The following USP47 variants were observed in gnomAD, a reference collection of about 807,000 sequenced individuals.
USP47 encodes ubiquitin specific peptidase 47, also known as ubiquitin carboxyl-terminal hydrolase 47.
In USP47, 35 loss-of-function variants were observed where a neutral mutation model predicts 165.1. The ratio of observed to expected loss-of-function variants is 0.21; its 90% CI spans 0.16 to 0.28. The LOEUF is 0.28. Ranked by LOEUF, USP47 falls within the 10% of genes least tolerant of loss-of-function variation. The pLI, the probability that USP47 is intolerant of heterozygous loss-of-function variation, is 1.00. For synonymous variants in USP47, 531 were observed against 544.5 expected, an observed-to-expected ratio of 0.98 and a Z score of 0.35; for missense variants, 1,277 against 1,607.4, an observed-to-expected ratio of 0.79 and a Z score of 3.52.
intron 1 of USP47, among the ~76,000 whole-genome samples, chr11:11,849,068 A>C (rs1042418249): frequency 2.0e-5 from 3 of 151,748 alleles, no homozygotes; most frequent in African/African-American, 4.8e-5. Flanking sequence ...AGTCGTTTGG[A>C]TACATCCGCA....
Position 11,884,494 on chromosome 11 carries a change from T to G in USP47, c.271T>G (p.Ser91Ala), listed in dbSNP as rs758436182. ...MAPLDHTSDK[S>A]LLDANFEPGK... ...ACCACTGGATCATACCAGTGACAAG[T>G]CACTTCTCGACGCTAATTTTGAGCC... is the stretch of plus-strand genomic sequence containing the variant. The change falls in exon 3 of 28, where the codon TCA (serine) becomes GCA (alanine). Residue 91 changes from serine to alanine, a missense_variant. Physicochemically the swap from Ser to Ala is moderately conservative, Grantham distance 99 (BLOSUM62 1). Around this residue, in one of 4 missense-constraint regions of USP47, gnomAD observed 181 missense variants for 194.7 expected, o/e 0.93. Transcript: ENST00000527733. The G allele has an allele frequency of 6.2e-7, 1 of 1,609,928 alleles. No homozygotes were observed. The highest frequency in any genetic ancestry group is 1.1e-5 in the South Asian group (1 of 89,952).
chr11:11,855,374 G>A (rs956382326), intron 1 of USP47, among the ~76,000 whole-genome samples: 1 of 152,066 alleles, frequency 6.6e-6, no homozygotes, highest in African/African-American at 2.4e-5. Flanking sequence ...AGTTGACATG[G>A]ATAGAAGAGA....
rs775467505 is a variant in USP47, at chr11:11,905,911, G to A, written c.969+363G>A. 7.2e-4 allele frequency among the ~76,000 whole-genome samples: 110 copies of A among 151,822 alleles called. 1 individual carries two copies. The highest frequency in any genetic ancestry group is 1.5e-3 in the Non-Finnish European group (100 of 67,958). On this transcript the variant is annotated intron_variant, in intron 8 of 27. Coordinates refer to ENST00000527733, the MANE Select transcript of USP47 (RefSeq NM_001282659.2). Reference sequence around the variant, plus strand: ...GCACTGGAAAGTACTTTGTTTTGGGGGGATTGTTTTGATCCATACACTTTT... The same window carrying A: ...GCACTGGAAAGTACTTTGTTTTGGGAGGATTGTTTTGATCCATACACTTTT...
intron 8 of USP47, 104 bp downstream of exon 8, chr11:11,905,652 T>C: frequency 8.4e-7 from 1 of 1,190,828 alleles, no homozygotes; most frequent in East Asian, 2.7e-5. Context: ...ATACACCTTC[T>C]TGGGTTGTTA....
intron 8 of USP47, among the ~76,000 whole-genome samples, chr11:11,909,480 A>G (rs565334952): frequency 6.6e-6 from 1 of 152,318 alleles, no homozygotes; most frequent in Non-Finnish European, 1.5e-5. Flanking sequence ...AGCATAATTT[A>G]TAAATTAAAG....
intron 3 of USP47, 56 bp from the exon 4 acceptor site, chr11:11,891,912 C>G: frequency 2.5e-6 from 4 of 1,569,230 alleles, no homozygotes; most frequent in Non-Finnish European, 3.5e-6. Context: ...ATGGTGAATG[C>G]TGTTGTTTCA....
chr11:11,911,727 A>G (rs1853006588), intron 8 of USP47, among the ~76,000 whole-genome samples: 1 of 152,182 alleles, frequency 6.6e-6, no homozygotes. Flanking sequence ...GCAAAGAGGT[A>G]GAACTCAGCA....
At chr11:11,847,561 T>G (rs1848497343) in intron 1 of USP47, among the ~76,000 whole-genome samples, 1 of 152,216 alleles carries the variant, frequency 6.6e-6, no homozygotes, top group Admixed American at 6.5e-5. Context: ...TCAGTTAGTG[T>G]TATCGCCATC....
At chr11:11,923,446 G>A (rs1854010464) in intron 11 of USP47, among the ~76,000 whole-genome samples, 1 of 151,994 alleles carries the variant, frequency 6.6e-6, no homozygotes, top group Non-Finnish European at 1.5e-5. Flanking sequence ...TTGAAAAATG[G>A]TATAGTTCTA....
chr11:11,868,391 G>GT (rs1184789723), intron 1 of USP47, among the ~76,000 whole-genome samples: 4 of 152,150 alleles, frequency 2.6e-5, no homozygotes, highest in African/African-American at 9.7e-5. Context: ...ATCACAGATT[G>GT]TAGAGTCTTT....
chr11:11,884,739 A>G (rs1851045387), intron 3 of USP47, 159 bp downstream of exon 3: 3 of 546,564 alleles, frequency 5.5e-6, no homozygotes, highest in Non-Finnish European at 9.7e-6. Flanking sequence ...GTGTAGAATA[A>G]CATAGTTACA....
At position 11,880,465 on chromosome 11, in the gene USP47, TCTTAA is replaced by T. The variant is rs574447559; in HGVS notation, c.243+86_243+90del. The T allele has an allele frequency of 6.0e-4, 648 of 1,088,830 alleles. 1 individual carries two copies. The African/African-American group carries it at 7.7e-3, about 13-fold the overall frequency. 67.4% of individuals were successfully genotyped at this position (1,088,830 alleles called of 1,614,324 possible). ...TGATGATAATGTTAAATCCTGGAAC[TCTTAA>T]AATCATAAACAAAAGTATAACAACT... On this transcript the variant is annotated intron_variant, in intron 2 of 27. Transcript: ENST00000527733.
At chr11:11,924,774 A>G (rs1165900822) in intron 11 of USP47, among the ~76,000 whole-genome samples, 2 of 151,972 alleles carry the variant, frequency 1.3e-5, no homozygotes, top group Non-Finnish European at 2.9e-5. Context: ...TTGTCCTTTT[A>G]ATTGTCCTTT....
chr11:11,950,122 T>C (rs1856119265), intron 23 of USP47, 118 bp downstream of exon 23: 1 of 798,036 alleles, frequency 1.3e-6, no homozygotes, highest in East Asian at 2.8e-5. Context: ...TTCAGAATTT[T>C]AGTATGACAG....
At chr11:11,864,903 A>G (rs1849584964) in intron 1 of USP47, among the ~76,000 whole-genome samples, 1 of 151,890 alleles carries the variant, frequency 6.6e-6, no homozygotes, top group African/African-American at 2.4e-5. Flanking sequence ...ATGATTCCTG[A>G]AGGATATTTT....
chr11:11,908,138 T>C (rs752105590), intron 8 of USP47, among the ~76,000 whole-genome samples: 1 of 152,186 alleles, frequency 6.6e-6, no homozygotes, highest in African/African-American at 2.4e-5. Context: ...AGCACGTGCA[T>C]GTGCACGCAC....
chr11:11,906,280 C>T (rs1852558481), intron 8 of USP47, among the ~76,000 whole-genome samples: 1 of 152,028 alleles, frequency 6.6e-6, no homozygotes, highest in Admixed American at 6.6e-5. Context: ...TTTATTTGAA[C>T]CTACCATGTG....
chr11:11,843,313 CT>C (rs1848246989), intron 1 of USP47, among the ~76,000 whole-genome samples: 1 of 152,166 alleles, frequency 6.6e-6, no homozygotes, highest in South Asian at 2.1e-4. Context: ...ATTTTCCCAG[CT>C]TTGTCAGAAG....
intron 1 of USP47, among the ~76,000 whole-genome samples, chr11:11,865,818 A>G (rs1350186134): frequency 6.6e-6 from 1 of 151,826 alleles, no homozygotes; most frequent in Non-Finnish European, 1.5e-5. Flanking sequence ...GGCTATTTTT[A>G]CATATTCTTT....
Sources: gnomAD v4.1 joint callset for allele counts (sites outside exome capture counted in the v4.1 genomes callset) on GRCh38, gnomAD v4.1.1 for gene constraint, gnomAD v4.1.1 regional missense constraint, MANE v1.5 for transcripts, NCBI Gene and HGNC (gene_info 2026-07-23, HGNC 2026-07-21) for gene names.